Variants in GFRAL observed in about 807,000 individuals in gnomAD.
The protein encoded by GFRAL is GDNF family receptor alpha-like.
A neutral mutation model predicts 45.4 loss-of-function variants in GFRAL; 36 were observed. The ratio of observed to expected loss-of-function variants is 0.79; its 90% confidence interval spans 0.61 to 1.05. The LOEUF is 1.05. GFRAL is among the 50% of genes least tolerant of loss of function. The pLI, the probability that GFRAL is intolerant of heterozygous loss-of-function variation, is 0.00. For synonymous variants in GFRAL, 166 were observed against 154.1 expected (o/e 1.08, Z -0.57); for missense variants, 507 against 467.5 (o/e 1.08, Z -0.78).
chr6:55,327,630 G>A, intron 1 of GFRAL, 54 bp downstream of exon 1: 2 of 1,522,498 alleles, frequency 1.3e-6, no homozygotes, highest in South Asian at 1.1e-5. Flanking sequence ...CTAATTCTTT[G>A]TAAACTGAAT....
chr6:55,339,600 G>A (rs1174059594), intron 3 of GFRAL, among the ~76,000 whole-genome samples: 1 of 152,090 alleles, frequency 6.6e-6, no homozygotes, highest in Non-Finnish European at 1.5e-5. Flanking sequence ...ACTACAGAGA[G>A]TGGAATTTTT....
At chr6:55,369,213 C>A (rs956440643) in intron 6 of GFRAL, among the ~76,000 whole-genome samples, 2 of 152,148 alleles carry the variant, frequency 1.3e-5, no homozygotes, top group East Asian at 1.9e-4. Context: ...TTCCAGGTGC[C>A]GTCCGTCACC....
chr6:55,382,824 T>C (rs1272472016), intron 6 of GFRAL, among the ~76,000 whole-genome samples: 1 of 151,930 alleles, frequency 6.6e-6, no homozygotes, highest in Non-Finnish European at 1.5e-5. Context: ...ACAATAAACA[T>C]TTCTAACTAA....
At chr6:55,371,967 T>A (rs1768457519) in intron 6 of GFRAL, among the ~76,000 whole-genome samples, 1 of 152,226 alleles carries the variant, frequency 6.6e-6, no homozygotes, top group Admixed American at 6.5e-5. Flanking sequence ...TCTAACAGGT[T>A]GATCCACCCT....
chr6:55,340,908 A>G (rs1352644899), intron 3 of GFRAL, among the ~76,000 whole-genome samples: 1 of 152,212 alleles, frequency 6.6e-6, no homozygotes, highest in Non-Finnish European at 1.5e-5. Context: ...TCCCACGCCC[A>G]TGGAGCCTCG....
At chr6:55,349,262 A>G (rs2127354723) in intron 3 of GFRAL, among the ~76,000 whole-genome samples, 1 of 152,252 alleles carries the variant, frequency 6.6e-6, no homozygotes. Context: ...GGAAATATGA[A>G]CAAACAGCTC....
intron 3 of GFRAL, among the ~76,000 whole-genome samples, chr6:55,340,698 C>A (rs768684271): frequency 6.6e-6 from 1 of 152,130 alleles, no homozygotes; most frequent in Non-Finnish European, 1.5e-5. Context: ...GTGCAGCCTA[C>A]TGAGCGTGAG....
chr6:55,373,406 AC>A (rs1768479510), intron 6 of GFRAL, among the ~76,000 whole-genome samples: 2 of 152,194 alleles, frequency 1.3e-5, no homozygotes, highest in South Asian at 4.1e-4. Context: ...TTAAAGTTTA[AC>A]AGTCACAGAC....
At chr6:55,342,000 G>T (rs1169894014) in intron 3 of GFRAL, among the ~76,000 whole-genome samples, 1 of 152,094 alleles carries the variant, frequency 6.6e-6, no homozygotes, top group Admixed American at 6.5e-5. Context: ...AATGAACAAA[G>T]CCTCCAAGAA....
chr6:55,334,967 A>G, intron 3 of GFRAL, among the ~76,000 whole-genome samples: 1 of 152,186 alleles, frequency 6.6e-6, no homozygotes, highest in South Asian at 2.1e-4. Context: ...GTTTTCAGGG[A>G]TTAAAAATAA....
intron 3 of GFRAL, among the ~76,000 whole-genome samples, chr6:55,342,619 C>G (rs549582516): frequency 2.7e-5 from 4 of 150,932 alleles, no homozygotes; most frequent in African/African-American, 7.3e-5. Context: ...CTGCATCAAC[C>G]AACGAGCAAA....
chr6:55,401,858 T>C lies in GFRAL; in HGVS notation c.*5T>C, dbSNP rs766080018. 3.5e-6 allele frequency: 5 copies of C among 1,439,934 alleles called. No individual in the cohort carries two copies. In the South Asian group the frequency reaches 5.7e-5, roughly 16 times the overall value. 89.2% of individuals were successfully genotyped at this position (1,439,934 alleles called of 1,614,324 possible). On this transcript the variant is annotated 3_prime_UTR_variant, in exon 9 of 9. Coordinates refer to ENST00000340465, the MANE Select transcript of GFRAL (RefSeq NM_207410.2). ...CAAATACCTGGAGAACTCTGATTCA[T>C]TAGGAGTCATGGACCTATAACAATC...
At chr6:55,381,643 T>G (rs1768609027) in intron 6 of GFRAL, among the ~76,000 whole-genome samples, 1 of 151,926 alleles carries the variant, frequency 6.6e-6, no homozygotes, top group Non-Finnish European at 1.5e-5. Context: ...TTAAACTTAA[T>G]TTTACCAAAA....
At chr6:55,343,812 T>A (rs746984574) in intron 3 of GFRAL, among the ~76,000 whole-genome samples, 2 of 151,570 alleles carry the variant, frequency 1.3e-5, no homozygotes, top group African/African-American at 2.4e-5. Flanking sequence ...AAGAGAAGAA[T>A]CAAATAGAAG....
chr6:55,345,513 T>G (rs4334984), intron 3 of GFRAL, among the ~76,000 whole-genome samples: 2 of 152,126 alleles, frequency 1.3e-5, no homozygotes, highest in African/African-American at 4.8e-5. Flanking sequence ...GAAACTGGAT[T>G]CCTTCCTTAC....
chr6:55,364,384 A>G (rs1768328409), intron 6 of GFRAL, among the ~76,000 whole-genome samples: 1 of 148,360 alleles, frequency 6.7e-6, no homozygotes, highest in Admixed American at 6.7e-5. Context: ...CCCATTTTGT[A>G]GGTTGCCTGT....
chr6:55,369,321 C>A (rs1319367404), intron 6 of GFRAL, among the ~76,000 whole-genome samples: 1 of 152,188 alleles, frequency 6.6e-6, no homozygotes, highest in Non-Finnish European at 1.5e-5. Flanking sequence ...TGCGCGCACC[C>A]ACTGACCTGC....
chr6:55,390,499 A>C (rs1235058329), intron 6 of GFRAL, among the ~76,000 whole-genome samples: 1 of 152,176 alleles, frequency 6.6e-6, no homozygotes, highest in African/African-American at 2.4e-5. Flanking sequence ...TATCTGCATG[A>C]ATATAATATA....
chr6:55,360,910 T>C (rs1420364245), intron 6 of GFRAL, among the ~76,000 whole-genome samples: 1 of 151,980 alleles, frequency 6.6e-6, no homozygotes, highest in Non-Finnish European at 1.5e-5. Flanking sequence ...AATGATTCAA[T>C]TTATTTGGCA....
Sources: allele counts gnomAD v4.1 joint callset (sites outside exome capture counted in the v4.1 genomes callset), GRCh38; gene constraint gnomAD v4.1.1; transcripts MANE v1.5; gene names NCBI Gene and HGNC (gene_info 2026-07-23, HGNC 2026-07-21).